The following CYP7B1 variants were observed in gnomAD, a reference collection of about 807,000 sequenced individuals.
The protein encoded by CYP7B1 is cytochrome P450 7B1.
Under a neutral mutation model 42.7 loss-of-function variants are expected in CYP7B1, and 29 were observed. The ratio of observed to expected loss-of-function variants is 0.68; its 90% CI spans 0.51 to 0.93. The LOEUF is 0.93. Among genes scored for constraint, CYP7B1 ranks in the 40% least tolerant of loss-of-function variants. CYP7B1 has a pLI of 0.00. For synonymous variants in CYP7B1, 235 were observed against 218.2 expected, an observed-to-expected ratio of 1.08 and a Z score of -0.68; for missense variants, 655 against 600.5, an observed-to-expected ratio of 1.09 and a Z score of -0.95.
intron 1 of CYP7B1, among the ~76,000 whole-genome samples, chr8:64,722,684 G>C (rs2129632899): frequency 8.0e-6 from 1 of 124,726 alleles, no homozygotes; most frequent in East Asian, 2.6e-4. Flanking sequence ...GGATCTCGTA[G>C]TATAAAATTT....
intron 1 of CYP7B1, among the ~76,000 whole-genome samples, chr8:64,744,413 C>T (rs1157054157): frequency 2.0e-5 from 3 of 151,746 alleles, no homozygotes; most frequent in East Asian, 1.9e-4. Context: ...GAATTTGCCA[C>T]GGTAGAATGC....
At chr8:64,628,929 C>T (rs868557603) in intron 1 of CYP7B1, among the ~76,000 whole-genome samples, 4 of 152,014 alleles carry the variant, frequency 2.6e-5, no homozygotes, top group African/African-American at 9.7e-5. Flanking sequence ...TTCCCCTCAA[C>T]ATTTAAAGCC....
rs1807273355 is a variant in CYP7B1, at chr8:64,723,301, T to C, written c.122+75165A>G. Among the ~76,000 whole-genome samples the C allele has an allele frequency of 1.3e-5, 2 of 152,346 alleles. 1 individual carries two copies. Among genetic ancestry groups the C allele is most frequent in the South Asian group, 4.1e-4 (2 of 4,826 alleles). On this transcript the variant is annotated intron_variant, in intron 1 of 5. Transcript: ENST00000310193. ...AAATCAGTAGCAGTCAATGTAACACTTCCCCCTCCAAACTCCTATCATTCT... is the reference window on the plus strand; with the variant it reads ...AAATCAGTAGCAGTCAATGTAACACCTCCCCCTCCAAACTCCTATCATTCT...
In CYP7B1 at chr8:64,612,194, AT is replaced by A. The variant is rs530750000; in HGVS notation, c.1057+2831del. Among the ~76,000 whole-genome samples the A allele has an allele frequency of 1.6e-4, 25 of 151,992 alleles. 1 individual carries two copies. In the South Asian group the frequency reaches 5.2e-3, roughly 32 times the overall value. On this transcript the variant is annotated intron_variant, in intron 4 of 5. Transcript: ENST00000310193. ...GTTCTAAATCCTACCTCCACCCCAG[AT>A]TTTTTTCTGAGATAACTGAAAAATT...
chr8:64,753,387 A>G (rs1414536466), intron 1 of CYP7B1, among the ~76,000 whole-genome samples: 1 of 152,204 alleles, frequency 6.6e-6, no homozygotes, highest in Non-Finnish European at 1.5e-5. Flanking sequence ...TTGCTTTGCA[A>G]TCCAACTTGG....
intron 1 of CYP7B1, among the ~76,000 whole-genome samples, chr8:64,763,197 C>G (rs937627086): frequency 3.7e-4 from 56 of 152,216 alleles, no homozygotes; most frequent in African/African-American, 1.4e-3. Context: ...CCTGATCGGG[C>G]TAAAGGCTCG....
chr8:64,798,573 C>T lies in CYP7B1; in HGVS notation c.15G>A (p.Val5=). The change falls in exon 1 of 6, where the codon GTG becomes GTA. Residue 5 remains valine (V), a synonymous_variant. Transcript: ENST00000310193. Reference sequence around the variant, plus strand: ...GCGAAAAGCGGCCCGTGGCCGCGGACACTTCTCCTGCCATCCGGCGCGCGC... The same window carrying T: ...GCGAAAAGCGGCCCGTGGCCGCGGATACTTCTCCTGCCATCCGGCGCGCGC... MAGE[V]SAATGRFSLE... is the part of the protein sequence containing the mutation. The T allele has an allele frequency of 6.7e-7, 1 of 1,484,424 alleles. No homozygotes were observed. Among genetic ancestry groups the T allele is most frequent in the South Asian group, 1.3e-5 (1 of 78,354 alleles). 92.0% of individuals were successfully genotyped at this position (1,484,424 alleles called of 1,614,324 possible). A position where few individuals can be genotyped will look rare whatever the true frequency, so the allele number is the denominator to read the frequency against.
chr8:64,749,256 T>C (rs1807692896), intron 1 of CYP7B1, among the ~76,000 whole-genome samples: 1 of 151,960 alleles, frequency 6.6e-6, no homozygotes, highest in Non-Finnish European at 1.5e-5. Context: ...GATTTTTGTA[T>C]TTTTAGTAGA....
intron 1 of CYP7B1, among the ~76,000 whole-genome samples, chr8:64,695,772 A>G (rs1806818033): frequency 6.6e-6 from 1 of 152,004 alleles, no homozygotes; most frequent in African/African-American, 2.4e-5. Context: ...CATTCCTGAC[A>G]ATGCAGACTC....
intron 1 of CYP7B1, among the ~76,000 whole-genome samples, chr8:64,631,175 G>A (rs1805689770): frequency 6.6e-6 from 1 of 152,022 alleles, no homozygotes; most frequent in South Asian, 2.1e-4. Context: ...TATAAACATA[G>A]ATGCACAAAT....
At chr8:64,678,909 G>A (rs1050218102) in intron 1 of CYP7B1, among the ~76,000 whole-genome samples, 3 of 151,620 alleles carry the variant, frequency 2.0e-5, no homozygotes, top group African/African-American at 7.2e-5. Context: ...GTGTGTGTGT[G>A]TATAGAGAGA....
chr8:64,587,073 A>C (rs1271587698), downstream of CYP7B1, among the ~76,000 whole-genome samples: 2 of 152,236 alleles, frequency 1.3e-5, no homozygotes, highest in African/African-American at 2.4e-5. Context: ...GGTTCCAGTA[A>C]ACAGGGCTGG....
At chr8:64,764,192 T>C (rs1303789104) in intron 1 of CYP7B1, among the ~76,000 whole-genome samples, 8 of 151,918 alleles carry the variant, frequency 5.3e-5, no homozygotes, top group Admixed American at 5.2e-4. Context: ...TTGTGTAAGA[T>C]GCTCTCCTCC....
Position 64,760,486 on chromosome 8 carries a change from G to C in CYP7B1, c.122+37980C>G, listed in dbSNP as rs1048072868. 3.3e-5 allele frequency among the ~76,000 whole-genome samples: 5 copies of C among 151,882 alleles called. No individual in the cohort carries two copies. In the East Asian group the frequency reaches 9.6e-4, roughly 29 times the overall value. ...AAGGTTAATATCTAAAATATATAAG[G>C]AATTCATACCACCCAATAGCAAAAT... On this transcript the variant is annotated intron_variant, in intron 1 of 5. Transcript: ENST00000310193.
intron 1 of CYP7B1, among the ~76,000 whole-genome samples, chr8:64,652,527 A>G (rs7004685): frequency 0.64 from 98,032 of 152,062 alleles, 31,833 homozygotes; most frequent in African/African-American, 0.68. Context: ...AACATTGCTC[A>G]AAATCTTGCA....
intron 1 of CYP7B1, among the ~76,000 whole-genome samples, chr8:64,796,773 CAG>C (rs1232571246): frequency 1.3e-5 from 2 of 152,130 alleles, no homozygotes; most frequent in African/African-American, 2.4e-5. Flanking sequence ...AGGTGCAACA[CAG>C]GGTATATTTC....
At chr8:64,771,047 CTTTTTTTTT>C (rs757503820) in intron 1 of CYP7B1, among the ~76,000 whole-genome samples, 14 of 42,502 alleles carry the variant, frequency 3.3e-4, no homozygotes, top group Admixed American at 8.4e-4. Context: ...ATATCAGCAT[CTTTTTTTTT>C]TTTTTTTTTT....
At chr8:64,621,231 C>A (rs1195063478) in intron 2 of CYP7B1, among the ~76,000 whole-genome samples, 1 of 152,212 alleles carries the variant, frequency 6.6e-6, no homozygotes, top group African/African-American at 2.4e-5. Context: ...CGTTGAGAAT[C>A]AGTTCTGAGC....
chr8:64,661,629 G>A (rs551946884), intron 1 of CYP7B1, among the ~76,000 whole-genome samples: 6 of 152,092 alleles, frequency 3.9e-5, no homozygotes, highest in Non-Finnish European at 7.4e-5. Context: ...AAGTAGAGGG[G>A]GACAGATCTG....
Sources: allele counts gnomAD v4.1 joint callset (sites outside exome capture counted in the v4.1 genomes callset), GRCh38; gene constraint gnomAD v4.1.1; transcripts MANE v1.5; gene names NCBI Gene and HGNC (gene_info 2026-07-23, HGNC 2026-07-21).